PPM1L: variants seen among roughly 807,000 people sequenced by gnomAD.
PPM1L encodes protein phosphatase 1L.
Under a neutral mutation model 31.4 loss-of-function variants are expected in PPM1L, and 13 were observed. The observed-to-expected ratio is 0.41, with a 90% CI of 0.27 to 0.66. PPM1L has a LOEUF of 0.66. Among genes scored for constraint, PPM1L ranks in the 30% least tolerant of loss-of-function variants. PPM1L has a pLI of 0.29. For missense variants in PPM1L, 326 were observed against 453.7 expected (o/e 0.72, Z 2.56); for synonymous variants, 184 against 175.4 (o/e 1.05, Z -0.39).
intron 1 of PPM1L, among the ~76,000 whole-genome samples, chr3:160,789,577 A>G (rs1712039009): frequency 6.6e-6 from 1 of 152,032 alleles, no homozygotes; most frequent in South Asian, 2.1e-4. Context: ...TGGACCCATA[A>G]TATGTATATA....
chr3:160,885,378 T>C (rs1034558941), intron 1 of PPM1L, among the ~76,000 whole-genome samples: 6 of 152,188 alleles, frequency 3.9e-5, no homozygotes, highest in African/African-American at 1.4e-4. Context: ...ATGAATGCAT[T>C]AGGTAGGATG....
chr3:160,764,225 G>T (rs905272967), intron 1 of PPM1L, among the ~76,000 whole-genome samples: 1 of 152,102 alleles, frequency 6.6e-6, no homozygotes, highest in Non-Finnish European at 1.5e-5. Flanking sequence ...ACAAACTCCT[G>T]GGCTCAGATG....
intron 1 of PPM1L, among the ~76,000 whole-genome samples, chr3:160,778,704 T>G (rs1297692405): frequency 6.6e-6 from 1 of 152,146 alleles, no homozygotes; most frequent in Non-Finnish European, 1.5e-5. Flanking sequence ...ACATATGAGT[T>G]GTCACAGCTG....
At chr3:160,986,372 A>G (rs572220528) in intron 2 of PPM1L, among the ~76,000 whole-genome samples, 1 of 152,334 alleles carries the variant, frequency 6.6e-6, no homozygotes, top group South Asian at 2.1e-4. Context: ...TTCCTCAGCC[A>G]GGGCAGAGAC....
intron 2 of PPM1L, among the ~76,000 whole-genome samples, chr3:160,976,582 T>G (rs1716585776): frequency 6.6e-6 from 1 of 151,812 alleles, no homozygotes; most frequent in East Asian, 1.9e-4. Flanking sequence ...GAGATTCAAC[T>G]TCTTCCTGGT....
chr3:160,829,933 A>G (rs1418622005), intron 1 of PPM1L, among the ~76,000 whole-genome samples: 1 of 152,150 alleles, frequency 6.6e-6, no homozygotes, highest in East Asian at 1.9e-4. Flanking sequence ...CACATGCTGC[A>G]CCTCAACTTG....
At chr3:160,962,216 G>C (rs1298888285) in intron 2 of PPM1L, among the ~76,000 whole-genome samples, 1 of 151,666 alleles carries the variant, frequency 6.6e-6, no homozygotes, top group Non-Finnish European at 1.5e-5. Context: ...TTTTACATCC[G>C]AGAATCCAAG....
At chr3:160,900,641 T>C (rs1008258008) in intron 1 of PPM1L, among the ~76,000 whole-genome samples, 2 of 152,118 alleles carry the variant, frequency 1.3e-5, no homozygotes, top group Non-Finnish European at 2.9e-5. Context: ...GTTTTGTCTC[T>C]TAAAAATATT....
In PPM1L at chr3:160,841,903, C is replaced by T. The variant is rs546802925; in HGVS notation, c.399+85196C>T. Among the ~76,000 whole-genome samples the T allele has an allele frequency of 3.7e-4, 56 of 152,172 alleles. 1 individual carries two copies. In the Middle Eastern group the frequency reaches 0.02, roughly 55 times the overall value. On this transcript the variant is annotated intron_variant, in intron 1 of 3. Transcript: ENST00000498165. ...TTATAAATGTCAACTTGTTTAGCTT[C>T]CTTGCATGAGTGCTTTAAAATTTAT... is the stretch of plus-strand genomic sequence containing the variant.
rs553476670 is a variant in PPM1L at position 160,929,591 on chromosome 3, T to C, written c.400-32145T>C. ...AGTGTTTAAAGCTGACTCTTCCTGC[T>C]GGTCACTGTGAGTTTCTGCCATGCC... On this transcript the variant is annotated intron_variant, in intron 1 of 3. Transcript: ENST00000498165. Among the ~76,000 whole-genome samples, 27 of 152,376 alleles carry C rather than the reference T, an allele frequency of 1.8e-4. 1 individual carries two copies. In the South Asian group the frequency reaches 5.4e-3, roughly 30 times the overall value.
In PPM1L at chr3:160,848,387, G is replaced by A. The variant is rs572260403; in HGVS notation, c.399+91680G>A. Among the ~76,000 whole-genome samples, 21 of 152,016 alleles carry A rather than the reference G, an allele frequency of 1.4e-4. No homozygotes were observed. The South Asian group carries it at 1.5e-3, about 11-fold the overall frequency. On this transcript the variant is annotated intron_variant, in intron 1 of 3. Coordinates refer to ENST00000498165, the MANE Select transcript of PPM1L (RefSeq NM_139245.4). ...CAAATCTAGTGGACTTTTTTTTCCCGTTGCTTTCTTAATGGAGCTTTCCAT... is the reference window on the plus strand; with the variant it reads ...CAAATCTAGTGGACTTTTTTTTCCCATTGCTTTCTTAATGGAGCTTTCCAT...
intron 1 of PPM1L, among the ~76,000 whole-genome samples, chr3:160,915,975 A>G (rs939321838): frequency 2.6e-5 from 4 of 152,312 alleles, no homozygotes; most frequent in African/African-American, 9.6e-5. Context: ...AACCTAGGCA[A>G]TACCATTCAG....
intron 1 of PPM1L, among the ~76,000 whole-genome samples, chr3:160,937,849 C>T (rs1559894354): frequency 1.3e-5 from 2 of 152,132 alleles, no homozygotes; most frequent in African/African-American, 4.8e-5. Context: ...AGGATACTTT[C>T]TAAGTGTATG....
At chr3:160,863,288 A>G (rs116761595) in intron 1 of PPM1L, among the ~76,000 whole-genome samples, 2,781 of 152,294 alleles carry the variant, frequency 0.018, 86 homozygotes, top group Non-Finnish European at 0.021. Flanking sequence ...AGAGGCCCTC[A>G]GTTATCTGGT....
At chr3:160,860,232 C>T (rs545069991) in intron 1 of PPM1L, among the ~76,000 whole-genome samples, 1 of 152,274 alleles carries the variant, frequency 6.6e-6, no homozygotes, top group East Asian at 1.9e-4. Context: ...CGTCCAGATG[C>T]CTTCCTCCAA....
chr3:161,058,969 T>C (rs1423351125), intron 2 of PPM1L, among the ~76,000 whole-genome samples: 5 of 152,184 alleles, frequency 3.3e-5, no homozygotes, highest in Non-Finnish European at 5.9e-5. Flanking sequence ...TAGAATAACT[T>C]TTTTGTATAC....
rs566337851 is a variant in PPM1L, at chr3:161,009,091, T to C, written c.574+47181T>C. On this transcript the variant is annotated intron_variant, in intron 2 of 3. Transcript: ENST00000498165. Reference sequence around the variant, plus strand: ...CCAGTGCCAGTGATGTGGGAGATAATTGTTTTCTCAGAAAATATCCCTTTT... The same window carrying C: ...CCAGTGCCAGTGATGTGGGAGATAACTGTTTTCTCAGAAAATATCCCTTTT... Among the ~76,000 whole-genome samples, 18 of 152,308 alleles carry C rather than the reference T, an allele frequency of 1.2e-4. No homozygotes were observed. The East Asian group carries it at 3.1e-3, about 26-fold the overall frequency.
At chr3:160,952,226 G>A (rs954394444) in intron 1 of PPM1L, among the ~76,000 whole-genome samples, 5 of 152,272 alleles carry the variant, frequency 3.3e-5, no homozygotes, top group Admixed American at 2.6e-4. Context: ...TTATTTTAAA[G>A]TGCCTGGAGC....
At chr3:160,844,310 C>T (rs1384857338) in intron 1 of PPM1L, among the ~76,000 whole-genome samples, 7 of 152,096 alleles carry the variant, frequency 4.6e-5, no homozygotes, top group South Asian at 2.1e-4. Context: ...TTCTGAGACC[C>T]GCTGAGATAC....
Sources: gnomAD v4.1 joint callset for allele counts (sites outside exome capture counted in the v4.1 genomes callset) on GRCh38, gnomAD v4.1.1 for gene constraint, MANE v1.5 for transcripts, NCBI Gene and HGNC (gene_info 2026-07-23, HGNC 2026-07-21) for gene names.